RNF130: variants seen among roughly 807,000 people sequenced by gnomAD.
The protein encoded by RNF130 is ring finger protein 130, also known as E3 ubiquitin-protein ligase RNF130.
In RNF130, 21 loss-of-function variants were observed where a neutral mutation model predicts 44.6. The observed-to-expected ratio is 0.47, with a 90% CI of 0.33 to 0.68. The LOEUF (loss-of-function observed/expected upper bound fraction) is 0.68, where lower values mean the gene tolerates loss of function less well. RNF130 is among the 30% of genes least tolerant of loss of function. The pLI is 0.02. For missense variants in RNF130, 479 were observed against 560.6 expected, an observed-to-expected ratio of 0.85 and a Z score of 1.47; for synonymous variants, 214 against 210.4, an observed-to-expected ratio of 1.02 and a Z score of -0.15.
chr5:179,970,341 A>T (rs1762552443), intron 6 of RNF130, 69 bp downstream of exon 6: 18 of 1,169,872 alleles, frequency 1.5e-5, no homozygotes, highest in Non-Finnish European at 2.2e-5. Flanking sequence ...TATGCCAATT[A>T]TGTTATATTG....
intron 4 of RNF130, among the ~76,000 whole-genome samples, chr5:179,978,673 T>C (rs556365888): frequency 1.3e-5 from 2 of 152,286 alleles, no homozygotes; most frequent in Non-Finnish European, 1.5e-5. Flanking sequence ...CTCACCAGGA[T>C]GTTCACTTAA....
At chr5:180,069,580 C>T (rs1055833955) in intron 1 of RNF130, among the ~76,000 whole-genome samples, 6 of 152,200 alleles carry the variant, frequency 3.9e-5, no homozygotes, top group African/African-American at 1.4e-4. Context: ...ATCTCACCAA[C>T]TGAGAGATTC....
In RNF130 at chr5:180,014,151, G is replaced by A. The variant is rs141840773; in HGVS notation, c.443-840C>T. Among the ~76,000 whole-genome samples the A allele has an allele frequency of 7.0e-3, 1,068 of 152,310 alleles. 4 individuals are homozygous for A. Among genetic ancestry groups the A allele is most frequent in the Non-Finnish European group, 0.012 (816 of 68,028 alleles). ...AGCACAGGCTATGCAAGTTAATTAC[G>A]AGGACAGTCTTAAGTTGCCTTATAG... On this transcript the variant is annotated intron_variant, in intron 2 of 8. Coordinates refer to ENST00000521389, the MANE Select transcript of RNF130 (RefSeq NM_018434.6).
chr5:180,033,682 C>T (rs563416608), intron 2 of RNF130, among the ~76,000 whole-genome samples: 5 of 109,674 alleles, frequency 4.6e-5, no homozygotes, highest in South Asian at 8.3e-4. Flanking sequence ...GGCAACAGAG[C>T]GAGACTCTGC....
Position 180,010,846 on chromosome 5 carries a change from C to T in RNF130, c.693+2215G>A, listed in dbSNP as rs189037767. On this transcript the variant is annotated intron_variant, in intron 3 of 8. Transcript: ENST00000521389. ...TGTTGGTCATGTGAATCTACACATG[C>T]GATAAAACTACACAGACTAAAGACA... 5.9e-5 allele frequency among the ~76,000 whole-genome samples: 9 copies of T among 152,094 alleles called. No homozygotes were observed. In the East Asian group the frequency reaches 1.2e-3, roughly 20 times the overall value.
At chr5:179,994,060 G>A (rs994678765) in intron 3 of RNF130, among the ~76,000 whole-genome samples, 1 of 152,004 alleles carries the variant, frequency 6.6e-6, no homozygotes, top group Non-Finnish European at 1.5e-5. Context: ...ATTTCTGAGG[G>A]CTCTGTTCTG....
intron 2 of RNF130, among the ~76,000 whole-genome samples, chr5:180,034,569 A>C (rs547599323): frequency 7.0e-6 from 1 of 142,132 alleles, no homozygotes; most frequent in Non-Finnish European, 1.5e-5. Flanking sequence ...AATTCTGACA[A>C]TCTGTATATT....
chr5:180,041,880 C>G (rs1457235196), intron 1 of RNF130, among the ~76,000 whole-genome samples: 1 of 152,068 alleles, frequency 6.6e-6, no homozygotes, highest in Non-Finnish European at 1.5e-5. Context: ...AGTTTGAGAC[C>G]ACCCTGGGCG....
chr5:180,063,760 C>T (rs1026492160), intron 1 of RNF130, among the ~76,000 whole-genome samples: 17 of 152,218 alleles, frequency 1.1e-4, no homozygotes, highest in Non-Finnish European at 1.5e-4. Context: ...CCCAGCAACA[C>T]TCAGCTGTTG....
At chr5:180,065,896 C>T (rs530293737) in intron 1 of RNF130, among the ~76,000 whole-genome samples, 12 of 152,032 alleles carry the variant, frequency 7.9e-5, no homozygotes, top group East Asian at 3.9e-4. Context: ...ACAACTGCCT[C>T]GGAATAACTT....
At chr5:179,962,592 T>C (rs1468399604) in intron 8 of RNF130, among the ~76,000 whole-genome samples, 1 of 152,148 alleles carries the variant, frequency 6.6e-6, no homozygotes, top group Non-Finnish European at 1.5e-5. Context: ...GACTGAACGA[T>C]ATCCTCAGTA....
chr5:180,001,727 A>G (rs929421860), intron 3 of RNF130, among the ~76,000 whole-genome samples: 9 of 152,176 alleles, frequency 5.9e-5, no homozygotes, highest in Non-Finnish European at 8.8e-5. Flanking sequence ...CAATGACAGC[A>G]AGTATCCTAG....
At chr5:179,944,306 C>T (rs1215873171) in intron 7 of RNF130, among the ~76,000 whole-genome samples, 3 of 152,074 alleles carry the variant, frequency 2.0e-5, no homozygotes, top group Non-Finnish European at 4.4e-5. Context: ...GTGTTCAGTG[C>T]TATTTCCAAT....
chr5:180,019,383 CA>C (rs56691249), intron 2 of RNF130, among the ~76,000 whole-genome samples: 4,188 of 111,642 alleles, frequency 0.038, 134 homozygotes, highest in African/African-American at 0.1. Context: ...GACTCTGTCT[CA>C]AAAAAAAAAA....
At chr5:180,049,718 G>A (rs1359731846) in intron 1 of RNF130, among the ~76,000 whole-genome samples, 1 of 152,124 alleles carries the variant, frequency 6.6e-6, no homozygotes, top group Non-Finnish European at 1.5e-5. Flanking sequence ...CAACTGCCAC[G>A]CTTAGTCTAT....
intron 2 of RNF130, among the ~76,000 whole-genome samples, chr5:180,016,018 G>A (rs1195517569): frequency 6.6e-6 from 1 of 152,130 alleles, no homozygotes; most frequent in Non-Finnish European, 1.5e-5. Context: ...AGGAGCAAAG[G>A]GGGAACCTTT....
intron 1 of RNF130, among the ~76,000 whole-genome samples, chr5:180,045,898 C>T (rs1764552886): frequency 6.6e-6 from 1 of 152,228 alleles, no homozygotes; most frequent in South Asian, 2.1e-4. Context: ...TCCAAGACCC[C>T]ACCCAACTCA....
intron 3 of RNF130, among the ~76,000 whole-genome samples, chr5:179,991,273 A>G (rs981241655): frequency 1.3e-5 from 2 of 152,150 alleles, no homozygotes. Flanking sequence ...TCTGATGACT[A>G]TATGTCATGG....
At chr5:180,015,299 G>A (rs1763691636) in intron 2 of RNF130, 1 of 526,830 alleles carries the variant, frequency 1.9e-6, no homozygotes, top group Admixed American at 1.9e-5. Flanking sequence ...CATGATCTGT[G>A]GTATAAGATA....
Sources: gnomAD v4.1 joint callset for allele counts (sites outside exome capture counted in the v4.1 genomes callset) on GRCh38, gnomAD v4.1.1 for gene constraint, MANE v1.5 for transcripts, NCBI Gene and HGNC (gene_info 2026-07-23, HGNC 2026-07-21) for gene names.